Variants in SLC4A10 observed in about 807,000 individuals in gnomAD.
The protein encoded by SLC4A10 is sodium-driven chloride bicarbonate exchanger.
Under a neutral mutation model 137.7 loss-of-function variants are expected in SLC4A10, and 42 were observed. That is an observed-to-expected ratio of 0.30 (90% CI 0.24 to 0.39). The LOEUF is 0.39. Ranked by LOEUF, SLC4A10 falls within the 10% of genes least tolerant of loss-of-function variation. SLC4A10 has a pLI of 1.00. For missense variants in SLC4A10, 925 were observed against 1,355.0 expected (o/e 0.68, Z 4.98); for synonymous variants, 474 against 464.1 (o/e 1.02, Z -0.27).
chr2:161,836,542 AAG>A (rs2058794876), intron 3 of SLC4A10, among the ~76,000 whole-genome samples: 1 of 19,404 alleles, frequency 5.2e-5, no homozygotes, highest in African/African-American at 1.7e-4. Context: ...GAAAGAAAGA[AAG>A]AAAGAAAGAA....
chr2:161,938,273 A>G (rs996907170), intron 15 of SLC4A10, among the ~76,000 whole-genome samples: 7 of 152,288 alleles, frequency 4.6e-5, no homozygotes, highest in East Asian at 1.9e-4. Context: ...CCTGTCTCCA[A>G]ATAAATAAAT....
intron 1 of SLC4A10, among the ~76,000 whole-genome samples, chr2:161,667,680 T>C (rs987055309): frequency 6.6e-6 from 1 of 151,686 alleles, no homozygotes; most frequent in Non-Finnish European, 1.5e-5. Context: ...ATTGAATATA[T>C]ATGTACATAT....
At chr2:161,862,200 G>A (rs1488239708) in intron 5 of SLC4A10, among the ~76,000 whole-genome samples, 1 of 152,050 alleles carries the variant, frequency 6.6e-6, no homozygotes, top group East Asian at 1.9e-4. Context: ...TGTTTTGCAG[G>A]TATAGAATAT....
At chr2:161,678,753 CATT>C (rs534984198) in intron 1 of SLC4A10, among the ~76,000 whole-genome samples, 89 of 152,158 alleles carry the variant, frequency 5.8e-4, no homozygotes, top group Non-Finnish European at 9.9e-4. Flanking sequence ...TTTTGCATAT[CATT>C]ATGTCTGTGA....
At chr2:161,835,793 G>A (rs550628698) in intron 3 of SLC4A10, among the ~76,000 whole-genome samples, 3 of 152,244 alleles carry the variant, frequency 2.0e-5, no homozygotes, top group South Asian at 2.1e-4. Context: ...TAATGCCTCC[G>A]GCCAAGTGGA....
At chr2:161,854,236 G>A (rs1164800409) in intron 4 of SLC4A10, among the ~76,000 whole-genome samples, 2 of 152,192 alleles carry the variant, frequency 1.3e-5, no homozygotes, top group Admixed American at 6.5e-5. Flanking sequence ...TTGTGCCAGA[G>A]CAATAAAATC....
At chr2:161,690,432 T>C (rs2041862864) in intron 1 of SLC4A10, among the ~76,000 whole-genome samples, 1 of 152,140 alleles carries the variant, frequency 6.6e-6, no homozygotes, top group South Asian at 2.1e-4. Context: ...GACCCAGCAA[T>C]CCCATTACTG....
chr2:161,677,541 C>T (rs1007277479), intron 1 of SLC4A10, among the ~76,000 whole-genome samples: 1 of 152,096 alleles, frequency 6.6e-6, no homozygotes, highest in Admixed American at 6.6e-5. Context: ...ACAGAATGTT[C>T]CCTCGAAATA....
chr2:161,918,995 C>G (rs987717478), intron 15 of SLC4A10, among the ~76,000 whole-genome samples: 4 of 152,320 alleles, frequency 2.6e-5, no homozygotes, highest in African/African-American at 4.8e-5. Context: ...CCCCCTCCCC[C>G]CATAGGTTTG....
chr2:161,914,253 A>C (rs1208366635), intron 15 of SLC4A10, among the ~76,000 whole-genome samples: 22 of 152,198 alleles, frequency 1.4e-4, no homozygotes, highest in Admixed American at 1.4e-3. Context: ...GAAGAAGTAT[A>C]AATACAACTC....
At chr2:161,791,235 G>A (rs2054173402) in intron 2 of SLC4A10, among the ~76,000 whole-genome samples, 1 of 152,182 alleles carries the variant, frequency 6.6e-6, no homozygotes. Context: ...ATCAGTGATA[G>A]ACTGGATAAA....
chr2:161,971,420 A>T (rs890606317), intron 23 of SLC4A10, among the ~76,000 whole-genome samples: 3 of 152,206 alleles, frequency 2.0e-5, no homozygotes, highest in African/African-American at 7.2e-5. Flanking sequence ...GGTATTATGT[A>T]TTATTCTACC....
intron 2 of SLC4A10, among the ~76,000 whole-genome samples, chr2:161,793,033 C>A (rs1262999053): frequency 6.6e-6 from 1 of 151,914 alleles, no homozygotes; most frequent in Non-Finnish European, 1.5e-5. Flanking sequence ...TCATTGCAAC[C>A]CTAATAGGAT....
chr2:161,670,314 C>A (rs1023980953), intron 1 of SLC4A10, among the ~76,000 whole-genome samples: 1 of 148,066 alleles, frequency 6.8e-6, no homozygotes, highest in African/African-American at 2.5e-5. Context: ...TTTTTTTTTC[C>A]ATCCACAGGT....
chr2:161,963,198 T>G (rs1264508788), intron 21 of SLC4A10, among the ~76,000 whole-genome samples: 2 of 152,092 alleles, frequency 1.3e-5, no homozygotes, highest in Non-Finnish European at 2.9e-5. Flanking sequence ...CTGTGTGCAT[T>G]TAATTTATAA....
At chr2:161,852,134 A>G (rs770801858) in intron 4 of SLC4A10, among the ~76,000 whole-genome samples, 1 of 152,204 alleles carries the variant, frequency 6.6e-6, no homozygotes, top group Non-Finnish European at 1.5e-5. Flanking sequence ...AATCAATTGT[A>G]TAAACAGGGA....
chr2:161,788,353 G>C (rs561687864), intron 2 of SLC4A10, among the ~76,000 whole-genome samples: 47 of 151,990 alleles, frequency 3.1e-4, no homozygotes, highest in African/African-American at 1.1e-3. Context: ...TTTTTATTTG[G>C]TGGTGCAATT....
intron 2 of SLC4A10, among the ~76,000 whole-genome samples, chr2:161,772,047 T>C (rs1253232748): frequency 6.6e-6 from 1 of 151,870 alleles, no homozygotes; most frequent in African/African-American, 2.4e-5. Flanking sequence ...ATTACTATAA[T>C]ATTTAGAAAC....
At chr2:161,957,555 G>A (rs779059998) in intron 20 of SLC4A10, among the ~76,000 whole-genome samples, 2 of 152,110 alleles carry the variant, frequency 1.3e-5, no homozygotes, top group Non-Finnish European at 2.9e-5. Flanking sequence ...CTTGTGACCC[G>A]AATCCATTAC....
Sources: gnomAD v4.1 joint callset for allele counts (sites outside exome capture counted in the v4.1 genomes callset) on GRCh38, gnomAD v4.1.1 for gene constraint, MANE v1.5 for transcripts, NCBI Gene and HGNC (gene_info 2026-07-23, HGNC 2026-07-21) for gene names.